CLEC16A: variants seen among roughly 807,000 people sequenced by gnomAD.
CLEC16A encodes C-type lectin domain containing 16A.
In CLEC16A, 51 loss-of-function variants were observed where a neutral mutation model predicts 109.5. The observed-to-expected ratio is 0.47, with a 90% CI of 0.37 to 0.59. CLEC16A has a LOEUF of 0.59. Ranked by LOEUF, CLEC16A falls within the 20% of genes least tolerant of loss-of-function variation. CLEC16A has a pLI of 0.00. For synonymous variants in CLEC16A, 673 were observed against 564.2 expected (o/e 1.19, Z -2.73); for missense variants, 1,339 against 1,394.0 (o/e 0.96, Z 0.63).
intron 22 of CLEC16A, among the ~76,000 whole-genome samples, chr16:11,147,312 C>T (rs893617893): frequency 9.2e-5 from 14 of 152,188 alleles, no homozygotes; most frequent in Non-Finnish European, 1.8e-4. Flanking sequence ...CTGCCGTGGC[C>T]CTGACTACTC....
At chr16:11,083,259 C>A (rs1409524430) in intron 19 of CLEC16A, among the ~76,000 whole-genome samples, 6 of 152,272 alleles carry the variant, frequency 3.9e-5, no homozygotes. Flanking sequence ...AACTCCTGGG[C>A]TCAAGCAATC....
At chr16:11,116,402 GAAAAGAAAAA>G (rs1284271912) in intron 19 of CLEC16A, among the ~76,000 whole-genome samples, 2 of 92,020 alleles carry the variant, frequency 2.2e-5, no homozygotes, top group Non-Finnish European at 4.6e-5. Context: ...AAAAGAAAAA[GAAAAGAAAAA>G]AAAAGGTACA....
At chr16:10,997,623 T>G (rs2044407443) in intron 10 of CLEC16A, among the ~76,000 whole-genome samples, 1 of 152,240 alleles carries the variant, frequency 6.6e-6, no homozygotes, top group Non-Finnish European at 1.5e-5. Flanking sequence ...TAATAAAAGT[T>G]TCTAGTGCTG....
At chr16:10,981,431 A>G (rs1336381241) in intron 9 of CLEC16A, among the ~76,000 whole-genome samples, 1 of 152,220 alleles carries the variant, frequency 6.6e-6, no homozygotes, top group Admixed American at 6.5e-5. Flanking sequence ...AAAGGTTCCC[A>G]GTATTTTTTT....
intron 19 of CLEC16A, among the ~76,000 whole-genome samples, chr16:11,117,332 T>C (rs1447236640): frequency 1.3e-5 from 2 of 152,234 alleles, no homozygotes; most frequent in African/African-American, 4.8e-5. Flanking sequence ...AATAAAACTA[T>C]GAAGAAACAA....
chr16:11,171,529 G>T (rs762744853), intron 23 of CLEC16A, among the ~76,000 whole-genome samples: 1 of 152,190 alleles, frequency 6.6e-6, no homozygotes, highest in African/African-American at 2.4e-5. Flanking sequence ...GCATCTTGTC[G>T]CCCACACATC....
intron 19 of CLEC16A, among the ~76,000 whole-genome samples, chr16:11,074,206 C>T (rs1459444014): frequency 6.6e-6 from 1 of 152,006 alleles, no homozygotes; most frequent in Non-Finnish European, 1.5e-5. Context: ...GCACCCTGAA[C>T]TTGACAGATT....
intron 19 of CLEC16A, among the ~76,000 whole-genome samples, chr16:11,104,227 G>A (rs1433847172): frequency 1.3e-5 from 2 of 152,138 alleles, no homozygotes; most frequent in East Asian, 3.9e-4. Context: ...TCCTGCCTCA[G>A]CCTTCCAAGT....
intron 22 of CLEC16A, among the ~76,000 whole-genome samples, chr16:11,132,341 G>GC (rs1416639055): frequency 1.3e-5 from 2 of 150,914 alleles, no homozygotes; most frequent in African/African-American, 4.9e-5. Flanking sequence ...ACAATCCATG[G>GC]CCTTTCATGC....
intron 10 of CLEC16A, among the ~76,000 whole-genome samples, chr16:10,998,399 C>T (rs573429183): frequency 6.6e-6 from 1 of 152,358 alleles, no homozygotes; most frequent in Admixed American, 6.5e-5. Flanking sequence ...GTAGCCCAGC[C>T]TCAGGCACCT....
chr16:11,069,736 C>G (rs560948216), intron 19 of CLEC16A, among the ~76,000 whole-genome samples: 19 of 152,178 alleles, frequency 1.2e-4, no homozygotes, highest in Admixed American at 3.9e-4. Flanking sequence ...GCCACCATAC[C>G]CAGACTGAAA....
At chr16:11,125,580 A>G (rs1239051122) in intron 21 of CLEC16A, among the ~76,000 whole-genome samples, 2 of 152,228 alleles carry the variant, frequency 1.3e-5, no homozygotes, top group Admixed American at 6.5e-5. Flanking sequence ...ATATACATAC[A>G]CACGTATACG....
At chr16:11,165,025 A>T (rs1011393330) in intron 22 of CLEC16A, among the ~76,000 whole-genome samples, 1 of 150,918 alleles carries the variant, frequency 6.6e-6, no homozygotes, top group Non-Finnish European at 1.5e-5. Context: ...TGGAAGGAGG[A>T]CTCGCCCCCC....
At chr16:10,965,436 T>A (rs923193283) in intron 3 of CLEC16A, among the ~76,000 whole-genome samples, 1 of 152,232 alleles carries the variant, frequency 6.6e-6, no homozygotes, top group Non-Finnish European at 1.5e-5. Context: ...TAACGATCCA[T>A]TGTGCACCAG....
chr16:11,069,814 G>A (rs532263753), intron 19 of CLEC16A, among the ~76,000 whole-genome samples: 12 of 150,948 alleles, frequency 7.9e-5, no homozygotes, highest in Non-Finnish European at 1.2e-4. Flanking sequence ...AAACAGTACA[G>A]CATAACAACT....
intron 11 of CLEC16A, among the ~76,000 whole-genome samples, chr16:11,015,228 G>A (rs538550105): frequency 6.6e-6 from 1 of 152,180 alleles, no homozygotes; most frequent in African/African-American, 2.4e-5. Flanking sequence ...AGGACTGTGA[G>A]GTGCAGCTGT....
intron 19 of CLEC16A, among the ~76,000 whole-genome samples, chr16:11,114,229 G>A (rs2051814038): frequency 6.7e-6 from 1 of 150,166 alleles, no homozygotes; most frequent in Admixed American, 6.7e-5. Context: ...TCTGTGAATG[G>A]CCTATGCAAA....
chr16:11,065,049 G>A (rs2048688574), intron 19 of CLEC16A, among the ~76,000 whole-genome samples: 2 of 152,300 alleles, frequency 1.3e-5, no homozygotes, highest in South Asian at 4.1e-4. Context: ...CTGTTTTGAG[G>A]GGTAAGAAAG....
intron 19 of CLEC16A, among the ~76,000 whole-genome samples, chr16:11,073,312 G>A (rs913048080): frequency 5.9e-5 from 9 of 151,992 alleles, no homozygotes; most frequent in Non-Finnish European, 1.0e-4. Context: ...CTCATCACCC[G>A]ACCTGCTGAC....
Sources: allele counts gnomAD v4.1 joint callset (sites outside exome capture counted in the v4.1 genomes callset), GRCh38; gene constraint gnomAD v4.1.1; transcripts MANE v1.5; gene names NCBI Gene and HGNC (gene_info 2026-07-23, HGNC 2026-07-21).